NAV3: variants seen among roughly 807,000 people sequenced by gnomAD.
NAV3 encodes the protein neuron navigator 3, also known as pore membrane and/or filament interacting like protein 1.
NAV3 carries 87 observed loss-of-function variants against 244.7 expected under a neutral mutation model. The ratio of observed to expected loss-of-function variants is 0.36; its 90% confidence interval spans 0.30 to 0.42. NAV3 has a LOEUF of 0.42. NAV3 is among the 20% of genes least tolerant of loss of function. The pLI, the probability that NAV3 is intolerant of heterozygous loss-of-function variation, is 1.00. For missense variants in NAV3, 2,663 were observed against 2,893.3 expected, an observed-to-expected ratio of 0.92 and a Z score of 1.83; for synonymous variants, 1,126 against 1,042.2, an observed-to-expected ratio of 1.08 and a Z score of -1.55.
chr12:78,165,643 C>A (rs2139504779), intron 23 of NAV3, among the ~76,000 whole-genome samples: 1 of 151,640 alleles, frequency 6.6e-6, no homozygotes, highest in South Asian at 2.1e-4. Flanking sequence ...ATTACAATTT[C>A]TATGCATTAT....
intron 1 of NAV3, among the ~76,000 whole-genome samples, chr12:77,934,462 C>A (rs967932323): frequency 8.5e-5 from 13 of 152,054 alleles, no homozygotes; most frequent in African/African-American, 3.1e-4. Flanking sequence ...TTTGTGATTC[C>A]ATTCTCAGGT....
At chr12:78,013,202 A>T (rs1875606219) in intron 8 of NAV3, among the ~76,000 whole-genome samples, 1 of 152,146 alleles carries the variant, frequency 6.6e-6, no homozygotes, top group Non-Finnish European at 1.5e-5. Context: ...TATGCATGAG[A>T]CATCAAGAAT....
chr12:77,980,911 T>G (rs1168810611), intron 5 of NAV3, among the ~76,000 whole-genome samples: 1 of 152,180 alleles, frequency 6.6e-6, no homozygotes, highest in Non-Finnish European at 1.5e-5. Context: ...CTCTCCCTCT[T>G]TAGTTACTGT....
At chr12:77,827,100 G>A (rs1044298939), upstream of NAV3, among the ~76,000 whole-genome samples, 1 of 151,986 alleles carries the variant, frequency 6.6e-6, no homozygotes, top group Non-Finnish European at 1.5e-5. Flanking sequence ...AGGCGTAGTG[G>A]CAGGCGCCTG....
At chr12:77,858,879 T>C (rs1878786461) in intron 1 of NAV3, among the ~76,000 whole-genome samples, 1 of 152,084 alleles carries the variant, frequency 6.6e-6, no homozygotes, top group African/African-American at 2.4e-5. Flanking sequence ...GGATATGCAG[T>C]GCTTAGCAGA....
Position 78,116,672 on chromosome 12 carries a change from A to C in NAV3, c.2637-100A>C, listed in dbSNP as rs192558996. On this transcript the variant is annotated intron_variant, in intron 12 of 39. Coordinates refer to ENST00000397909, the MANE Select transcript of NAV3 (RefSeq NM_001024383.2). The stretch of plus-strand genomic sequence containing the variant: ...CTTTTCATAAGATATTTTTTAAAAG[A>C]ATGTCTTAATAATAAATTGTGAATG... 41 of 1,236,726 alleles carry C rather than the reference A, an allele frequency of 3.3e-5. 1 individual carries two copies. In the South Asian group the frequency reaches 8.5e-4, roughly 26 times the overall value. The allele number at this position is 1,236,726 out of a possible 1,614,324, so 76.6% of individuals were successfully genotyped here. A position where few individuals can be genotyped will look rare whatever the true frequency, so the allele number is the denominator to read the frequency against.
At chr12:77,829,978 T>C (rs1257593654), upstream of NAV3, among the ~76,000 whole-genome samples, 9 of 152,206 alleles carry the variant, frequency 5.9e-5, no homozygotes, top group Non-Finnish European at 1.0e-4. Flanking sequence ...TTTGGTTGCA[T>C]TATTACTAAT....
At chr12:77,857,291 T>G (rs1878535163) in intron 1 of NAV3, among the ~76,000 whole-genome samples, 1 of 152,076 alleles carries the variant, frequency 6.6e-6, no homozygotes, top group African/African-American at 2.4e-5. Context: ...GGCTTTTCAG[T>G]GCCTGGAATA....
intron 2 of NAV3, among the ~76,000 whole-genome samples, chr12:77,654,004 T>G (rs572631211): frequency 6.6e-6 from 1 of 152,262 alleles, no homozygotes; most frequent in African/African-American, 2.4e-5. Flanking sequence ...ACAGCTCTGG[T>G]CTACAGCTCC....
At chr12:77,867,724 G>T (rs535781020) in intron 1 of NAV3, among the ~76,000 whole-genome samples, 1 of 152,166 alleles carries the variant, frequency 6.6e-6, no homozygotes, top group African/African-American at 2.4e-5. Context: ...CTGGCCTCAG[G>T]TATGTCTTTA....
At chr12:77,698,113 G>A (rs755202808) in intron 2 of NAV3, among the ~76,000 whole-genome samples, 10 of 152,124 alleles carry the variant, frequency 6.6e-5, no homozygotes, top group Non-Finnish European at 1.2e-4. Flanking sequence ...AGGCGATAGA[G>A]AAGTGGAGGA....
chr12:77,987,696 C>T (rs1046150863), intron 5 of NAV3, among the ~76,000 whole-genome samples: 4 of 151,858 alleles, frequency 2.6e-5, no homozygotes, highest in Admixed American at 6.6e-5. Context: ...TGGAGAACAA[C>T]GCAGTCTGTT....
At chr12:77,755,315 G>A (rs973939846) in intron 2 of NAV3, among the ~76,000 whole-genome samples, 3 of 152,116 alleles carry the variant, frequency 2.0e-5, no homozygotes, top group African/African-American at 7.2e-5. Flanking sequence ...TGAAATACAT[G>A]ACTTTAATTT....
intron 1 of NAV3, among the ~76,000 whole-genome samples, chr12:77,902,577 T>C (rs951367706): frequency 2.0e-5 from 3 of 152,156 alleles, no homozygotes; most frequent in African/African-American, 7.2e-5. Context: ...CTTTGAAAAC[T>C]GGCACAAGAC....
chr12:77,633,638 A>C (rs1323977558), intron 2 of NAV3, among the ~76,000 whole-genome samples: 1 of 152,164 alleles, frequency 6.6e-6, no homozygotes, highest in Non-Finnish European at 1.5e-5. Context: ...CCAAAAAAAT[A>C]CTATTTTATG....
At chr12:77,601,141 G>A (rs956611850) in intron 2 of NAV3, among the ~76,000 whole-genome samples, 8 of 151,802 alleles carry the variant, frequency 5.3e-5, no homozygotes, top group Admixed American at 2.0e-4. Context: ...CATTTTATCC[G>A]CACAAATACC....
intron 1 of NAV3, among the ~76,000 whole-genome samples, chr12:77,869,306 G>A (rs1880587086): frequency 6.6e-6 from 1 of 151,984 alleles, no homozygotes. Flanking sequence ...TATTCTATTG[G>A]GGGCAAGGTT....
chr12:77,967,480 G>T (rs1050128741), intron 4 of NAV3, among the ~76,000 whole-genome samples: 3 of 152,006 alleles, frequency 2.0e-5, no homozygotes, highest in Admixed American at 2.0e-4. Flanking sequence ...TTATTTTACT[G>T]CATAGTTTGA....
At chr12:77,615,321 A>T (rs1362324432) in intron 2 of NAV3, among the ~76,000 whole-genome samples, 1 of 152,062 alleles carries the variant, frequency 6.6e-6, no homozygotes, top group Non-Finnish European at 1.5e-5. Flanking sequence ...GTGTCACTGA[A>T]GCTTGGTGTA....
Sources: allele counts gnomAD v4.1 joint callset (sites outside exome capture counted in the v4.1 genomes callset), GRCh38; gene constraint gnomAD v4.1.1; transcripts MANE v1.5; gene names NCBI Gene and HGNC (gene_info 2026-07-23, HGNC 2026-07-21).